Variants in GLB1 observed in about 807,000 individuals in gnomAD.
The protein encoded by GLB1 is galactosidase beta 1.
GLB1 carries 56 observed loss-of-function variants against 74.0 expected under a neutral mutation model. The observed-to-expected ratio is 0.76, with a 90% CI of 0.61 to 0.94. GLB1 has a LOEUF of 0.94. GLB1 is among the 40% of genes least tolerant of loss of function. The probability of loss-of-function intolerance (pLI) is 0.00; values close to 1 mark genes in which losing one functional copy is unlikely to be tolerated. For missense variants in GLB1, 787 were observed against 845.5 expected, an observed-to-expected ratio of 0.93 and a Z score of 0.86; for synonymous variants, 323 against 323.6, an observed-to-expected ratio of 1.00 and a Z score of 0.02.
At chr3:33,051,233 C>CAGAAAA (rs1553610268) in intron 9 of GLB1, among the ~76,000 whole-genome samples, 1 of 76,410 alleles carries the variant, frequency 1.3e-5, no homozygotes, top group Non-Finnish European at 2.4e-5. Flanking sequence ...GACTGCGTCT[C>CAGAAAA]AAAAAAAAAA....
At chr3:32,999,005 T>C (rs534831654) in intron 15 of GLB1, among the ~76,000 whole-genome samples, 14 of 152,100 alleles carry the variant, frequency 9.2e-5, no homozygotes, top group South Asian at 4.1e-4. Flanking sequence ...ATACCAGTCA[T>C]TGGGGACAAT....
intron 9 of GLB1, among the ~76,000 whole-genome samples, chr3:33,048,377 G>A (rs1441003140): frequency 6.6e-6 from 1 of 152,248 alleles, no homozygotes. Flanking sequence ...CCACTTAAGA[G>A]GGTGTGAGGT....
chr3:33,019,015 C>T (rs1300126630), intron 12 of GLB1, among the ~76,000 whole-genome samples: 2 of 152,186 alleles, frequency 1.3e-5, no homozygotes, highest in Non-Finnish European at 2.9e-5. Context: ...TCTGCTTTAA[C>T]ATACAAAACA....
chr3:33,068,162 C>T, intron 4 of GLB1, 68 bp downstream of exon 4: 10 of 1,607,536 alleles, frequency 6.2e-6, no homozygotes, highest in African/African-American at 1.3e-5. Flanking sequence ...GTCAGGATTA[C>T]AGGCGTGAGC....
intron 1 of GLB1, chr3:33,092,307 ATTC>A: frequency 1.0e-6 from 1 of 986,968 alleles, no homozygotes; most frequent in Non-Finnish European, 1.2e-6. Context: ...AAAAGAAAAT[ATTC>A]TTCTCTAGCA....
intron 10 of GLB1, among the ~76,000 whole-genome samples, chr3:33,037,290 C>T (rs536440762): frequency 1.3e-5 from 2 of 152,214 alleles, no homozygotes; most frequent in African/African-American, 4.8e-5. Context: ...AGGTGATCTG[C>T]CTGCCTCGGC....
chr3:32,984,137 T>A, the GLB1 span, among the ~76,000 whole-genome samples: 1 of 152,326 alleles, frequency 6.6e-6, no homozygotes, highest in Admixed American at 6.5e-5. Flanking sequence ...ATTGGACTAA[T>A]CTTGTGACAC....
chr3:33,001,977 T>C (rs1696591626), intron 15 of GLB1, among the ~76,000 whole-genome samples: 1 of 152,248 alleles, frequency 6.6e-6, no homozygotes, highest in Non-Finnish European at 1.5e-5. Context: ...TAAAAAGTTA[T>C]GCTTTTGCAA....
At chr3:33,083,663 C>A (rs1700406082) in intron 1 of GLB1, among the ~76,000 whole-genome samples, 1 of 152,104 alleles carries the variant, frequency 6.6e-6, no homozygotes, top group Non-Finnish European at 1.5e-5. Flanking sequence ...CAATTCCGAA[C>A]AAACCAAAAT....
chr3:33,040,590 G>GAT (rs58665195), intron 10 of GLB1, among the ~76,000 whole-genome samples: 47 of 152,054 alleles, frequency 3.1e-4, no homozygotes, highest in Non-Finnish European at 6.0e-4. Context: ...CAGCCTGGGC[G>GAT]AGAGTGAAAC....
Position 33,031,414 on chromosome 3 carries a change from C to T in GLB1, c.1069-7089G>A, listed in dbSNP as rs187417130. ...ATCCCAGCACTTTGGGAGGCCAAGG[C>T]GGGTGGATCACTTGAGGTCAGGAGT... On this transcript the variant is annotated intron_variant, in intron 10 of 15. Coordinates refer to ENST00000307363, the MANE Select transcript of GLB1 (RefSeq NM_000404.4). Among the ~76,000 whole-genome samples, 547 of 151,484 alleles carry T rather than the reference C, an allele frequency of 3.6e-3. 1 individual carries two copies. The highest frequency in any genetic ancestry group is 0.011 in the African/African-American group (460 of 41,302).
the GLB1 span, among the ~76,000 whole-genome samples, chr3:32,981,849 G>C: frequency 6.6e-6 from 1 of 151,468 alleles, no homozygotes; most frequent in Non-Finnish European, 1.5e-5. Flanking sequence ...GTATTTGCAT[G>C]GTATACTTGT....
Position 33,000,859 on chromosome 3 carries a change from CT to C in GLB1, c.1735-3516del, listed in dbSNP as rs1259366979. 1.3e-5 allele frequency among the ~76,000 whole-genome samples: 2 copies of C among 152,188 alleles called. 1 individual carries two copies. Among genetic ancestry groups the C allele is most frequent in the Non-Finnish European group, 2.9e-5 (2 of 68,038 alleles). ...TAGACCATCAGTCTTCCATTTCTCT[CT>C]ATCCTCACAGCCTGACTTCCAGAGC... is the stretch of plus-strand genomic sequence containing the variant. On this transcript the variant is annotated intron_variant, in intron 15 of 15. Transcript: ENST00000307363.
At chr3:32,981,155 A>AAC in the GLB1 span, among the ~76,000 whole-genome samples, 2 of 149,814 alleles carry the variant, frequency 1.3e-5, no homozygotes, top group Non-Finnish European at 3.0e-5. Flanking sequence ...ACTGTAATCC[A>AAC]ACACTTTGGG....
intron 15 of GLB1, among the ~76,000 whole-genome samples, chr3:33,002,691 G>T (rs936879306): frequency 1.8e-4 from 27 of 152,170 alleles, no homozygotes; most frequent in Non-Finnish European, 2.9e-5. Context: ...TTACAGGTGT[G>T]AGCCTCTGTG....
At chr3:32,991,380 G>A in the GLB1 span, among the ~76,000 whole-genome samples, 1 of 152,198 alleles carries the variant, frequency 6.6e-6, no homozygotes, top group Non-Finnish European at 1.5e-5. Context: ...TAGTGAAATG[G>A]ATGGAAATAC....
Position 33,093,577 on chromosome 3 carries a change from G to A in GLB1, c.75+3434C>T. 6.2e-7 allele frequency: 1 copy of A among 1,614,190 alleles called. No individual in the cohort carries two copies. The highest frequency in any genetic ancestry group is 8.5e-7 in the Non-Finnish European group (1 of 1,180,024). ...ATGTCTGAGAGGAGCACGATCTTGA[G>A]GTTGTTCATTGAGGCAGGCAGCTGA... On this transcript the variant is annotated intron_variant, in intron 1 of 15. Transcript: ENST00000307363. The surrounding 1 kb of genome is among the most constrained non-coding windows in gnomAD (Gnocchi z 6.0).
intron 9 of GLB1, among the ~76,000 whole-genome samples, chr3:33,050,432 C>T (rs72856107): frequency 0.037 from 5,560 of 152,294 alleles, 327 homozygotes; most frequent in African/African-American, 0.12. Flanking sequence ...TACTGTACAT[C>T]CACACAAGGG....
chr3:33,011,473 T>A (rs144588280), intron 15 of GLB1, among the ~76,000 whole-genome samples: 6,434 of 147,932 alleles, frequency 0.043, 191 homozygotes, highest in African/African-American at 0.073. Context: ...AAATAAAAAA[T>A]AAAATAAAAA....
Sources: gnomAD v4.1 joint callset for allele counts (sites outside exome capture counted in the v4.1 genomes callset) on GRCh38, gnomAD v4.1.1 for gene constraint, Gnocchi (gnomAD v3.1) non-coding constraint, MANE v1.5 for transcripts, NCBI Gene and HGNC (gene_info 2026-07-23, HGNC 2026-07-21) for gene names.